The following UBE3B variants were observed in gnomAD, a reference collection of about 807,000 sequenced individuals.
UBE3B encodes ubiquitin-protein ligase E3B.
In UBE3B, 80 loss-of-function variants were observed where a neutral mutation model predicts 132.3. The observed-to-expected ratio is 0.60, with a 90% CI of 0.50 to 0.73. The LOEUF is 0.73. Ranked by LOEUF, UBE3B falls within the 30% of genes least tolerant of loss-of-function variation. The pLI, the probability that UBE3B is intolerant of heterozygous loss-of-function variation, is 0.00. For synonymous variants in UBE3B, 487 were observed against 520.4 expected (o/e 0.94, Z 0.87); for missense variants, 1,196 against 1,362.5 (o/e 0.88, Z 1.92).
In UBE3B at chr12:109,483,987, A is replaced by C; in HGVS notation, c.282+6A>C. On this transcript the variant is annotated splice_donor_region_variant and intron_variant, in intron 4 of 27. Coordinates refer to ENST00000342494, the MANE Select transcript of UBE3B (RefSeq NM_130466.4). ...GAATCAAAGAGGATAATGAGGTAAA[A>C]CGATAATAGCAAACATGTATAATAC... The C allele has an allele frequency of 1.9e-6, 3 of 1,607,730 alleles. No homozygotes were observed. Among genetic ancestry groups the C allele is most frequent in the Non-Finnish European group, 2.5e-6 (3 of 1,177,184 alleles).
intron 17 of UBE3B, among the ~76,000 whole-genome samples, chr12:109,510,706 A>G (rs552415231): frequency 7.2e-4 from 110 of 152,368 alleles, no homozygotes; most frequent in Admixed American, 3.1e-3. Context: ...TTTAGCATAC[A>G]TTTCTCATCC....
At chr12:109,537,203 C>G (rs1398783129), downstream of UBE3B, among the ~76,000 whole-genome samples, 1 of 152,180 alleles carries the variant, frequency 6.6e-6, no homozygotes, top group African/African-American at 2.4e-5. Context: ...AGATAAGTGT[C>G]TGGAGTGAAA....
chr12:109,484,680 G>T (rs897410916), intron 4 of UBE3B, among the ~76,000 whole-genome samples: 1 of 146,718 alleles, frequency 6.8e-6, no homozygotes, highest in African/African-American at 2.5e-5. Context: ...GTGAGCCACT[G>T]TACCCAGCCT....
the UBE3B span, among the ~76,000 whole-genome samples, chr12:109,544,425 CTG>C: frequency 6.6e-6 from 1 of 152,138 alleles, no homozygotes. Flanking sequence ...GAGCAGGCCT[CTG>C]GGTGTTTCAG....
chr12:109,501,609 T>C, intron 13 of UBE3B, 75 bp downstream of exon 13: 1 of 1,508,016 alleles, frequency 6.6e-7, no homozygotes, highest in South Asian at 1.3e-5. Context: ...CCTATATGGA[T>C]GTTCCGCTGT....
At chr12:109,510,990 A>C (rs1566097522) in intron 17 of UBE3B, among the ~76,000 whole-genome samples, 1 of 152,198 alleles carries the variant, frequency 6.6e-6, no homozygotes, top group East Asian at 1.9e-4. Context: ...TTTGTGGACC[A>C]GACAGTCTCT....
chr12:109,486,580 CAAAAAAAA>C lies in UBE3B; in HGVS notation c.447+21_447+28del, dbSNP rs201336062. On this transcript the variant is annotated splice_donor_region_variant and intron_variant, in intron 6 of 27. Coordinates refer to ENST00000342494, the MANE Select transcript of UBE3B (RefSeq NM_130466.4). ...GATTTTCTCAAGCAGCTCAAGGTAACAAAAAAAAAAAAAAAAAAAAAAAGCAAAACCAG... is the reference window on the plus strand; with the variant it reads ...GATTTTCTCAAGCAGCTCAAGGTAACAAAAAAAAAAAAAAAGCAAAACCAG... The C allele has an allele frequency of 0.12, 67,509 of 561,158 alleles. 726 individuals are homozygous for C. The highest frequency in any genetic ancestry group is 0.14 in the Non-Finnish European group (55,524 of 390,052). The allele number at this position is 561,158 out of a possible 1,614,324, so 34.8% of individuals were successfully genotyped here.
chr12:109,482,759 A>T (rs1266599179), intron 2 of UBE3B, among the ~76,000 whole-genome samples: 1 of 152,234 alleles, frequency 6.6e-6, no homozygotes, highest in Non-Finnish European at 1.5e-5. Context: ...GGTGATTTAG[A>T]TAAAAACTTA....
At chr12:109,493,447 C>T (rs991043234) in intron 9 of UBE3B, among the ~76,000 whole-genome samples, 1 of 152,226 alleles carries the variant, frequency 6.6e-6, no homozygotes, top group Non-Finnish European at 1.5e-5. Context: ...CCAACATGCT[C>T]ACATCCAGTC....
intron 8 of UBE3B, chr12:109,490,762 A>T: frequency 1.4e-6 from 2 of 1,385,064 alleles, no homozygotes; most frequent in Non-Finnish European, 9.4e-7. Context: ...TCGTTACCCA[A>T]TACTTTCTTC....
the UBE3B span, among the ~76,000 whole-genome samples, chr12:109,543,685 T>A: frequency 6.6e-6 from 1 of 152,014 alleles, no homozygotes; most frequent in African/African-American, 2.4e-5. Context: ...ACACAAAAAT[T>A]AGCCCGGCAT....
Position 109,516,828 on chromosome 12 carries a change from A to C in UBE3B, c.2020A>C (p.Ser674Arg). Residue 674 changes from serine (S) to arginine (R), a missense_variant, in exon 19 of 28, where the codon AGC becomes CGC. Ser to Arg is a moderately radical substitution (Grantham distance 110). Transcript: ENST00000342494. ...EKEKLGLVETSSASPHVTHIT... is the reference protein window; with the variant it reads ...EKEKLGLVETRSASPHVTHIT... ...GGAGAAACTGGGGCTGGTGGAAACC[A>C]GCTCTGCCTCCCCGCATGTCACTCA... 6.2e-7 allele frequency: 1 copy of C among 1,614,110 alleles called. No individual in the cohort carries two copies. Among genetic ancestry groups the C allele is most frequent in the South Asian group, 1.1e-5 (1 of 91,078 alleles).
At chr12:109,541,617 A>G (rs772063272), downstream of UBE3B, among the ~76,000 whole-genome samples, 6 of 152,032 alleles carry the variant, frequency 3.9e-5, no homozygotes, top group Admixed American at 2.0e-4. Context: ...TGGCTCCTAT[A>G]TTGGTTTCCC....
Position 109,535,487 on chromosome 12 carries a change from G to T in UBE3B, c.*705G>T, listed in dbSNP as rs73196297. 8,153 of 152,376 alleles carry T rather than the reference G, an allele frequency of 0.054. 300 individuals are homozygous for T. The highest frequency in any genetic ancestry group is 0.082 in the Non-Finnish European group (5,611 of 68,078). The allele number at this position is 152,376 out of a possible 1,614,324, so 9.4% of individuals were successfully genotyped here. A position where few individuals can be genotyped will look rare whatever the true frequency, so the allele number is the denominator to read the frequency against. On this transcript the variant is annotated 3_prime_UTR_variant, in exon 28 of 28. Transcript: ENST00000342494. ...AGAGAGTCTTCCCGGACCTATTCCC[G>T]TCCTATGCATTCACATTGGCATCCT...
chr12:109,507,733 C>G lies in UBE3B; in HGVS notation c.1620C>G (p.Ile540Met). The change falls in exon 15 of 28, where the codon ATC becomes ATG. Residue 540 changes from isoleucine to methionine, a missense_variant and splice_region_variant. Ile to Met is a conservative substitution (Grantham distance 10, BLOSUM62 1). Coordinates refer to ENST00000342494, the MANE Select transcript of UBE3B (RefSeq NM_130466.4). ...MLFCDCSRHL[I>M]TILDDIEVYE... ...TCTGTGACTGTTCGCGGCACCTCATCACGTAGGTTGACTGCTGTGGGACTG... is the reference window on the plus strand; with the variant it reads ...TCTGTGACTGTTCGCGGCACCTCATGACGTAGGTTGACTGCTGTGGGACTG... 6.2e-7 allele frequency: 1 copy of G among 1,611,462 alleles called. No individual in the cohort carries two copies. Among genetic ancestry groups the G allele is most frequent in the Non-Finnish European group, 8.5e-7 (1 of 1,178,622 alleles).
intron 6 of UBE3B, among the ~76,000 whole-genome samples, chr12:109,487,003 G>T (rs1876612810): frequency 6.6e-6 from 1 of 152,178 alleles, no homozygotes; most frequent in Admixed American, 6.5e-5. Flanking sequence ...GAGCTAGGGG[G>T]TTCTGATTCT....
intron 18 of UBE3B, among the ~76,000 whole-genome samples, chr12:109,513,584 G>A (rs1880627062): frequency 6.6e-6 from 1 of 152,178 alleles, no homozygotes; most frequent in Admixed American, 6.5e-5. Context: ...GGAGTACCAT[G>A]AAAAAAGTTA....
At chr12:109,512,632 A>G (rs557646178) in intron 18 of UBE3B, among the ~76,000 whole-genome samples, 14 of 152,230 alleles carry the variant, frequency 9.2e-5, no homozygotes, top group Non-Finnish European at 2.1e-4. Context: ...CATAAATCAT[A>G]TTTTTGTAAA....
At chr12:109,478,505 C>T (rs559822978) in intron 1 of UBE3B, among the ~76,000 whole-genome samples, 1 of 152,214 alleles carries the variant, frequency 6.6e-6, no homozygotes, top group East Asian at 1.9e-4. Flanking sequence ...TTGAGGCTGG[C>T]CACGGTGGCT....
Sources: gnomAD v4.1 joint callset for allele counts (sites outside exome capture counted in the v4.1 genomes callset) on GRCh38, gnomAD v4.1.1 for gene constraint, MANE v1.5 for transcripts, NCBI Gene and HGNC (gene_info 2026-07-23, HGNC 2026-07-21) for gene names.